Variants in BRD10 observed in about 807,000 individuals in gnomAD.
The protein encoded by BRD10 is uncharacterized bromodomain-containing protein 10.
the BRD10 span, among the ~76,000 whole-genome samples, chr9:5,886,423 G>A: frequency 6.6e-6 from 1 of 152,228 alleles, no homozygotes; most frequent in Non-Finnish European, 1.5e-5. Flanking sequence ...TGTGCCACGT[G>A]CTGTACCAAG....
At chr9:5,885,434 G>A in the BRD10 span, among the ~76,000 whole-genome samples, 2 of 150,686 alleles carry the variant, frequency 1.3e-5, no homozygotes, top group African/African-American at 2.4e-5. Flanking sequence ...GCAATGGCTC[G>A]ATCTCAGCTC....
the BRD10 span, chr9:5,906,864 C>T: frequency 2.7e-6 from 4 of 1,484,928 alleles, no homozygotes; most frequent in African/African-American, 1.5e-5. Flanking sequence ...ACCCACTCAC[C>T]TTTATCAATT....
chr9:5,902,569 C>A, the BRD10 span, among the ~76,000 whole-genome samples: 109,788 of 151,798 alleles, frequency 0.72, 39,898 homozygotes, highest in Non-Finnish European at 0.76. Flanking sequence ...GGCTCAAGCA[C>A]TCCAATCCTC....
chr9:5,897,694 G>A, the BRD10 span: 1 of 1,530,594 alleles, frequency 6.5e-7, no homozygotes, highest in African/African-American at 1.4e-5. Context: ...CCAAGTCCAG[G>A]GCCCTCTTTC....
At chr9:5,908,806 G>C in the BRD10 span, 6 of 1,196,164 alleles carry the variant, frequency 5.0e-6, no homozygotes, top group Middle Eastern at 1.9e-4. Flanking sequence ...GAATGGTGTA[G>C]GAAAAATGCA....
chr9:6,006,761 G>A, the BRD10 span, among the ~76,000 whole-genome samples: 1 of 152,122 alleles, frequency 6.6e-6, no homozygotes, highest in African/African-American at 2.4e-5. Context: ...TTTTTTAATG[G>A]TTTAAGACAC....
chr9:5,981,102 T>G, the BRD10 span, among the ~76,000 whole-genome samples: 12 of 152,226 alleles, frequency 7.9e-5, 1 homozygote, highest in Admixed American at 6.5e-4. Context: ...CTAGATCCAT[T>G]CTCCATCCTT....
At chr9:5,932,572 CAGG>C in the BRD10 span, among the ~76,000 whole-genome samples, 1 of 152,080 alleles carries the variant, frequency 6.6e-6, no homozygotes, top group Non-Finnish European at 1.5e-5. Flanking sequence ...TTAAAGTCTA[CAGG>C]AGGATGTGTG....
the BRD10 span, among the ~76,000 whole-genome samples, chr9:5,987,813 T>G: frequency 6.6e-6 from 1 of 152,194 alleles, no homozygotes; most frequent in African/African-American, 2.4e-5. Flanking sequence ...TGGGCCCTGG[T>G]TGTCTTTTTA....
the BRD10 span, among the ~76,000 whole-genome samples, chr9:5,952,574 A>G: frequency 1.3e-5 from 2 of 152,222 alleles, no homozygotes; most frequent in Non-Finnish European, 2.9e-5. Flanking sequence ...TGCTAAAATG[A>G]TTTCATGCCT....
the BRD10 span, among the ~76,000 whole-genome samples, chr9:5,955,380 T>A: frequency 6.6e-6 from 1 of 152,176 alleles, no homozygotes; most frequent in Non-Finnish European, 1.5e-5. Context: ...CACTTAAATG[T>A]CAATATTTTT....
the BRD10 span, among the ~76,000 whole-genome samples, chr9:5,918,621 G>A: frequency 6.8e-6 from 1 of 147,488 alleles, no homozygotes; most frequent in South Asian, 2.1e-4. Context: ...GAAAGTAATT[G>A]TGGTTTTTTG....
chr9:5,922,523 C>T, the BRD10 span: 2 of 1,613,892 alleles, frequency 1.2e-6, no homozygotes, highest in South Asian at 2.2e-5. Context: ...AGAAACAGTT[C>T]CTGGTGAGTT....
At chr9:5,919,685 C>G in the BRD10 span, 1 of 1,594,720 alleles carries the variant, frequency 6.3e-7, no homozygotes, top group South Asian at 1.1e-5. Context: ...AGTCTAAATT[C>G]AAGATGCAGC....
the BRD10 span, among the ~76,000 whole-genome samples, chr9:5,906,416 G>A: frequency 1.3e-5 from 2 of 151,766 alleles, no homozygotes; most frequent in Admixed American, 1.3e-4. Context: ...CTTCCTTTAT[G>A]TAGGTACAAG....
the BRD10 span, among the ~76,000 whole-genome samples, chr9:5,998,853 C>T: frequency 4.6e-5 from 7 of 151,888 alleles, no homozygotes; most frequent in African/African-American, 1.2e-4. Context: ...TAGAATTGTA[C>T]GAAGGATTTA....
chr9:5,992,575 G>C, the BRD10 span, among the ~76,000 whole-genome samples: 3 of 152,148 alleles, frequency 2.0e-5, no homozygotes, highest in South Asian at 4.1e-4. Flanking sequence ...AAAAATTCAA[G>C]CTTTTTTTCT....
chr9:5,993,150 T>C, the BRD10 span, among the ~76,000 whole-genome samples: 1 of 151,904 alleles, frequency 6.6e-6, no homozygotes, highest in Non-Finnish European at 1.5e-5. Flanking sequence ...ACCCCATCTC[T>C]ACTAATAATA....
chr9:5,929,177 A>T, the BRD10 span: 1 of 1,218,164 alleles, frequency 8.2e-7, no homozygotes, highest in Non-Finnish European at 1.2e-6. Context: ...TAATGTTTAA[A>T]GTAAATCCCT....
Sources: gnomAD v4.1 joint callset for allele counts (sites outside exome capture counted in the v4.1 genomes callset) on GRCh38, gnomAD v4.1.1 for gene constraint, MANE v1.5 for transcripts, NCBI Gene and HGNC (gene_info 2026-07-23, HGNC 2026-07-21) for gene names.